The following DNAH12 variants were observed in gnomAD, a reference collection of about 807,000 sequenced individuals.
The protein encoded by DNAH12 is dynein axonemal heavy chain 12, also known as axonemal beta dynein heavy chain 12.
In DNAH12, 285 loss-of-function variants were observed where a neutral mutation model predicts 371.5. The ratio of observed to expected loss-of-function variants is 0.77; its 90% CI spans 0.70 to 0.85. DNAH12 has a LOEUF of 0.85. Ranked by LOEUF, DNAH12 falls within the 40% of genes least tolerant of loss-of-function variation. The pLI, the probability that DNAH12 is intolerant of heterozygous loss-of-function variation, is 0.00. For synonymous variants in DNAH12, 1,200 were observed against 1,213.0 expected (o/e 0.99, Z 0.22); for missense variants, 3,611 against 3,689.4 (o/e 0.98, Z 0.55).
intron 40 of DNAH12, among the ~76,000 whole-genome samples, chr3:57,406,171 C>CA (rs2064018946): frequency 6.6e-6 from 1 of 151,750 alleles, no homozygotes; most frequent in Non-Finnish European, 1.5e-5. Flanking sequence ...GCCAACATGG[C>CA]AAAACCCTGT....
At position 57,542,670 on chromosome 3, in the gene DNAH12, A is replaced by G. The variant is rs776673520; in HGVS notation, c.170+31T>C. ...CACTAATCATTTTACTTGAATTCCA[A>G]GCAAGAATTATCTACTAATATGCTA... On this transcript the variant is annotated intron_variant, in intron 2 of 73. Coordinates refer to ENST00000495027, the MANE Select transcript of DNAH12 (RefSeq NM_001366028.2). The G allele has an allele frequency of 3.9e-6, 6 of 1,533,804 alleles. No homozygotes were observed. In the South Asian group the frequency reaches 5.1e-5, roughly 13 times the overall value.
chr3:57,441,218 A>T (rs1322572855), intron 29 of DNAH12, among the ~76,000 whole-genome samples: 1 of 152,206 alleles, frequency 6.6e-6, no homozygotes, highest in Non-Finnish European at 1.5e-5. Context: ...CTCTCTAAAA[A>T]GAACCAATTG....
chr3:57,436,012 G>A (rs981344162), intron 30 of DNAH12, among the ~76,000 whole-genome samples: 1 of 151,526 alleles, frequency 6.6e-6, no homozygotes, highest in African/African-American at 2.4e-5. Flanking sequence ...TTTCTCTATT[G>A]CCCACTTCAT....
the DNAH12 span, among the ~76,000 whole-genome samples, chr3:57,550,028 G>T: frequency 4.6e-5 from 7 of 151,098 alleles, no homozygotes; most frequent in Admixed American, 1.3e-4. Flanking sequence ...AAACCATAAG[G>T]CCAGGCATGG....
rs146743234 is a variant in DNAH12 at position 57,524,803 on chromosome 3, G to A, written c.171-919C>T. The stretch of plus-strand genomic sequence containing the variant: ...GAAGGCAAGGAAAGGATCAAAGGGG[G>A]AAAAAGGAAGCAGGGGTCGTTCAAT... On this transcript the variant is annotated intron_variant, in intron 2 of 73. Coordinates refer to ENST00000495027, the MANE Select transcript of DNAH12 (RefSeq NM_001366028.2). 1.3e-3 allele frequency among the ~76,000 whole-genome samples: 195 copies of A among 152,210 alleles called. 1 individual carries two copies. Among genetic ancestry groups the A allele is most frequent in the African/African-American group, 4.4e-3 (183 of 41,560 alleles).
intron 62 of DNAH12, among the ~76,000 whole-genome samples, chr3:57,332,095 T>C (rs547688662): frequency 3.9e-5 from 6 of 152,334 alleles, no homozygotes; most frequent in African/African-American, 1.4e-4. Context: ...CCTACTGTGA[T>C]AGTCTTGAAC....
At chr3:57,305,386 C>T (rs1193354868) in intron 69 of DNAH12, among the ~76,000 whole-genome samples, 1 of 152,096 alleles carries the variant, frequency 6.6e-6, no homozygotes, top group South Asian at 2.1e-4. Context: ...CCAATTCTTC[C>T]TCAGCCTCCG....
intron 58 of DNAH12, among the ~76,000 whole-genome samples, chr3:57,360,479 G>A: frequency 6.6e-6 from 1 of 152,082 alleles, no homozygotes; most frequent in African/African-American, 2.4e-5. Flanking sequence ...ACCTGAGGTT[G>A]GGAGTTCGAG....
chr3:57,364,118 T>C (rs1470588962), intron 57 of DNAH12, among the ~76,000 whole-genome samples: 1 of 152,174 alleles, frequency 6.6e-6, no homozygotes, highest in East Asian at 1.9e-4. Flanking sequence ...TTGTCATCAC[T>C]AAGTCTCATT....
intron 37 of DNAH12, 24 bp downstream of exon 37, chr3:57,419,343 C>T: frequency 6.8e-7 from 1 of 1,470,684 alleles, no homozygotes. Flanking sequence ...ATTCAAAATG[C>T]TTGTTTATAG....
chr3:57,314,694 G>A (rs1321312314), intron 65 of DNAH12, 63 bp from the exon 66 acceptor site: 3 of 1,455,112 alleles, frequency 2.1e-6, no homozygotes, highest in East Asian at 2.5e-5. Context: ...AGTAAAATGA[G>A]AGGAATAGAT....
At position 57,301,792 on chromosome 3, in the gene DNAH12, G is replaced by C. The variant is rs982717898; in HGVS notation, c.11337C>G (p.Ser3779Arg). ...PEIWAKRSYPSLKPLGSYITD... is the reference protein window; with the variant it reads ...PEIWAKRSYPRLKPLGSYITD... Reference sequence around the variant, plus strand: ...TGATGTAACTTCCCAGGGGCTTAAGGCTTGGGTATGAACGTTTGGCCCATA... The same window carrying C: ...TGATGTAACTTCCCAGGGGCTTAAGCCTTGGGTATGAACGTTTGGCCCATA... The change falls in exon 70 of 74, where the codon AGC becomes AGG. Residue 3779 changes from serine to arginine, a missense_variant. Transcript: ENST00000495027. The C allele has an allele frequency of 1.0e-5, 16 of 1,551,414 alleles. No individual in the cohort carries two copies. Among genetic ancestry groups the C allele is most frequent in the Non-Finnish European group, 1.4e-5 (16 of 1,146,976 alleles).
intron 49 of DNAH12, among the ~76,000 whole-genome samples, chr3:57,383,221 T>C (rs1434616544): frequency 6.6e-6 from 1 of 152,164 alleles, no homozygotes; most frequent in Non-Finnish European, 1.5e-5. Flanking sequence ...CTGTAATCCA[T>C]TTATAAAATT....
chr3:57,492,868 A>T (rs892781976), intron 11 of DNAH12, among the ~76,000 whole-genome samples: 1 of 151,804 alleles, frequency 6.6e-6, no homozygotes, highest in African/African-American at 2.4e-5. Context: ...GGCCAGGTGT[A>T]GTGGTAGGCA....
intron 9 of DNAH12, among the ~76,000 whole-genome samples, chr3:57,503,203 T>C (rs777915435): frequency 6.6e-5 from 10 of 152,164 alleles, no homozygotes; most frequent in Non-Finnish European, 1.2e-4. Flanking sequence ...CAGTGTGCTA[T>C]GATCATGTCT....
chr3:57,385,584 T>A (rs2063483427), intron 47 of DNAH12, among the ~76,000 whole-genome samples, 155 bp from the exon 48 acceptor site: 2 of 152,196 alleles, frequency 1.3e-5, no homozygotes, highest in Admixed American at 1.3e-4. Flanking sequence ...AACAAAACTA[T>A]GAAAGTGTGG....
intron 24 of DNAH12, 75 bp downstream of exon 24, chr3:57,453,172 T>G: frequency 3.4e-6 from 5 of 1,474,202 alleles, no homozygotes; most frequent in Non-Finnish European, 4.5e-6. Context: ...GAGAGAAGAA[T>G]ACATATAGTA....
At chr3:57,363,075 CAG>C (rs1251017188) in intron 58 of DNAH12, among the ~76,000 whole-genome samples, 12 of 152,058 alleles carry the variant, frequency 7.9e-5, no homozygotes, top group African/African-American at 2.7e-4. Flanking sequence ...CCAGTTTCAA[CAG>C]AGTTATAGAC....
intron 5 of DNAH12, among the ~76,000 whole-genome samples, chr3:57,510,138 G>A (rs886494549): frequency 1.3e-4 from 19 of 151,778 alleles, no homozygotes; most frequent in Non-Finnish European, 2.5e-4. Context: ...AAATAGCAAA[G>A]ATTATACCCC....
Sources: gnomAD v4.1 joint callset for allele counts (sites outside exome capture counted in the v4.1 genomes callset) on GRCh38, gnomAD v4.1.1 for gene constraint, MANE v1.5 for transcripts, NCBI Gene and HGNC (gene_info 2026-07-23, HGNC 2026-07-21) for gene names.